ADGRE3: variants seen among roughly 807,000 people sequenced by gnomAD.
ADGRE3 encodes EGF-like module receptor 3.
A neutral mutation model predicts 80.1 loss-of-function variants in ADGRE3; 88 were observed. The ratio of observed to expected loss-of-function variants is 1.10; its 90% CI spans 0.93 to 1.31. The LOEUF (loss-of-function observed/expected upper bound fraction) is 1.31. ADGRE3 is among the 40% of genes most tolerant of loss of function. ADGRE3 has a pLI of 0.00. For synonymous variants in ADGRE3, 281 were observed against 294.8 expected (o/e 0.95, Z 0.48); for missense variants, 715 against 776.5 (o/e 0.92, Z 0.94).
chr19:14,626,725 G>T (rs1424661711), intron 14 of ADGRE3, among the ~76,000 whole-genome samples: 1 of 152,158 alleles, frequency 6.6e-6, no homozygotes, highest in Non-Finnish European at 1.5e-5. Context: ...GCATAATTAA[G>T]GTTATTTCCA....
Position 14,654,975 on chromosome 19 carries a change from G to T in ADGRE3, c.577+7C>A. On this transcript the variant is annotated splice_region_variant and intron_variant, in intron 6 of 15. Coordinates refer to ENST00000253673, the MANE Select transcript of ADGRE3 (RefSeq NM_032571.5). ...CCAGGGTGTATCAGTCCTCATTATTGTCTTACCTACACTATCGTTTTGGAT... is the reference window on the plus strand; with the variant it reads ...CCAGGGTGTATCAGTCCTCATTATTTTCTTACCTACACTATCGTTTTGGAT... The T allele has an allele frequency of 6.2e-7, 1 of 1,612,414 alleles. No homozygotes were observed.
chr19:14,617,374 C>CTTTCTTTCTTTCTTTCTTTCTTTCT (rs755354639), downstream of ADGRE3, among the ~76,000 whole-genome samples: 1 of 95,656 alleles, frequency 1.0e-5, no homozygotes, highest in Non-Finnish European at 2.0e-5. Flanking sequence ...TTCTTTCTTT[C>CTTTCTTTCTTTCTTTCTTTCTTTCT]TTCCTTTCTT....
chr19:14,612,407 C>G, the ADGRE3 span, among the ~76,000 whole-genome samples: 28 of 152,246 alleles, frequency 1.8e-4, no homozygotes, highest in African/African-American at 6.5e-4. Context: ...GTGATCTCAG[C>G]TCACTGCAAC....
the ADGRE3 span, among the ~76,000 whole-genome samples, chr19:14,603,052 G>A: frequency 6.6e-6 from 1 of 152,180 alleles, no homozygotes. Context: ...GGCTTTTGAA[G>A]GAGTTAAATT....
At chr19:14,621,568 C>G (rs1420548864) in intron 15 of ADGRE3, 1 of 614,934 alleles carries the variant, frequency 1.6e-6, no homozygotes, top group Non-Finnish European at 2.6e-6. Context: ...CTAAAGCTAC[C>G]TAACTGTGAC....
At chr19:14,664,083 C>T (rs998612688) in intron 2 of ADGRE3, among the ~76,000 whole-genome samples, 2 of 152,108 alleles carry the variant, frequency 1.3e-5, no homozygotes, top group Admixed American at 6.6e-5. Flanking sequence ...AGTGGCCAGG[C>T]GTGGTGGCTC....
At chr19:14,630,621 C>G (rs2146813161) in intron 13 of ADGRE3, among the ~76,000 whole-genome samples, 1 of 152,098 alleles carries the variant, frequency 6.6e-6, no homozygotes. Flanking sequence ...GCCATGTTGA[C>G]CAGGCTGGTC....
rs188539842 is a variant in ADGRE3, at chr19:14,658,777, C to G, written c.356-227G>C. ...TGAGACAGAGTCTCACTCTGTTGCC[C>G]AGGCTGGAGTGCAATGGTGCGACCT... On this transcript the variant is annotated intron_variant, in intron 4 of 15. Coordinates refer to ENST00000253673, the MANE Select transcript of ADGRE3 (RefSeq NM_032571.5). Among the ~76,000 whole-genome samples the G allele has an allele frequency of 2.6e-5, 4 of 151,890 alleles. No homozygotes were observed. In the East Asian group the frequency reaches 7.7e-4, roughly 29 times the overall value.
In ADGRE3 at chr19:14,642,345, T is replaced by TA. The variant is rs538706852; in HGVS notation, c.1051-730dup. Among the ~76,000 whole-genome samples the TA allele has an allele frequency of 4.0e-5, 6 of 149,418 alleles. No individual in the cohort carries two copies. In the South Asian group the frequency reaches 1.1e-3, roughly 26 times the overall value. On this transcript the variant is annotated intron_variant, in intron 9 of 15. Transcript: ENST00000253673. ...TGAGCAACAAGTGAGACCCCGTATC[T>TA]AAAAAAAAAATAAAGTGTCTTTGTA...
chr19:14,649,550 A>C (rs1419784809), intron 7 of ADGRE3, among the ~76,000 whole-genome samples: 7 of 126,996 alleles, frequency 5.5e-5, no homozygotes, highest in East Asian at 2.3e-4. Flanking sequence ...CTTTCTCCCC[A>C]TCTCTCTCTT....
At chr19:14,617,678 G>T (rs1244138043), downstream of ADGRE3, among the ~76,000 whole-genome samples, 1 of 151,866 alleles carries the variant, frequency 6.6e-6, no homozygotes, top group African/African-American at 2.4e-5. Context: ...GATTACAGGC[G>T]TGAGCCACTG....
chr19:14,658,496 G>A lies in ADGRE3; in HGVS notation c.393+17C>T, dbSNP rs747448052. On this transcript the variant is annotated intron_variant, in intron 5 of 15. Transcript: ENST00000253673. The stretch of plus-strand genomic sequence containing the variant: ...GTTTGTTACCTGGGAAGGGTCTGGG[G>A]ATCAGCCTCCACTCACCTCTTTCCT... The A allele has an allele frequency of 1.1e-4, 164 of 1,547,536 alleles. No individual in the cohort carries two copies. Among genetic ancestry groups the A allele is most frequent in the Non-Finnish European group, 1.4e-4 (157 of 1,145,326 alleles).
intron 1 of ADGRE3, among the ~76,000 whole-genome samples, chr19:14,670,795 C>T (rs1187514428): frequency 2.0e-5 from 3 of 152,210 alleles, no homozygotes; most frequent in Non-Finnish European, 4.4e-5. Context: ...TTCACTGGGG[C>T]TAGTCAGTGG....
chr19:14,636,990 A>T (rs758861247), intron 11 of ADGRE3, among the ~76,000 whole-genome samples: 2 of 152,084 alleles, frequency 1.3e-5, no homozygotes, highest in Non-Finnish European at 2.9e-5. Flanking sequence ...GTTACTTGGG[A>T]GGCTGAGGCA....
intron 7 of ADGRE3, among the ~76,000 whole-genome samples, chr19:14,650,868 C>T (rs1278664586): frequency 6.6e-6 from 1 of 152,184 alleles, no homozygotes; most frequent in Admixed American, 6.6e-5. Context: ...CAGCACTCCC[C>T]CACCATCCCA....
At chr19:14,656,039 A>C (rs1027296769) in intron 5 of ADGRE3, among the ~76,000 whole-genome samples, 3 of 151,930 alleles carry the variant, frequency 2.0e-5, no homozygotes, top group Admixed American at 2.0e-4. Context: ...GTGGAGGTTT[A>C]ATAGGCAAAA....
At chr19:14,643,675 T>G (rs11878224) in intron 9 of ADGRE3, among the ~76,000 whole-genome samples, 97,443 of 151,872 alleles carry the variant, frequency 0.64, 31,350 homozygotes, top group East Asian at 0.72. Flanking sequence ...TGCACCAGGT[T>G]TCTCCTGGAC....
At chr19:14,635,505 G>A (rs1055876759) in intron 11 of ADGRE3, among the ~76,000 whole-genome samples, 5 of 150,710 alleles carry the variant, frequency 3.3e-5, no homozygotes, top group South Asian at 2.1e-4. Context: ...TCCACCTCCC[G>A]GGTTCAAGTG....
intron 15 of ADGRE3, among the ~76,000 whole-genome samples, chr19:14,620,548 T>TATATTATATATATATATA: frequency 4.0e-5 from 1 of 24,982 alleles, no homozygotes. Flanking sequence ...TATATATATA[T>TATATTATATATATATATA]TATATATATA....
Sources: gnomAD v4.1 joint callset for allele counts (sites outside exome capture counted in the v4.1 genomes callset) on GRCh38, gnomAD v4.1.1 for gene constraint, MANE v1.5 for transcripts, NCBI Gene and HGNC (gene_info 2026-07-23, HGNC 2026-07-21) for gene names.